Variants in KIAA0319L observed in about 807,000 individuals in gnomAD.
KIAA0319L encodes dyslexia-associated protein KIAA0319-like protein.
KIAA0319L carries 55 observed loss-of-function variants against 120.1 expected under a neutral mutation model. That is an observed-to-expected ratio of 0.46 (90% CI 0.37 to 0.57). The LOEUF is 0.57. KIAA0319L is among the 20% of genes least tolerant of loss of function. KIAA0319L has a pLI of 0.00. For missense variants in KIAA0319L, 1,049 were observed against 1,255.3 expected, an observed-to-expected ratio of 0.84 and a Z score of 2.48; for synonymous variants, 398 against 471.9, an observed-to-expected ratio of 0.84 and a Z score of 2.03.
chr1:35,491,693 A>G (rs1281113772), intron 3 of KIAA0319L, among the ~76,000 whole-genome samples: 1 of 152,174 alleles, frequency 6.6e-6, no homozygotes, highest in Non-Finnish European at 1.5e-5. Context: ...AAAAACGAAT[A>G]AAACCAAACA....
intron 2 of KIAA0319L, among the ~76,000 whole-genome samples, chr1:35,538,920 T>C (rs1646686247): frequency 6.6e-6 from 1 of 152,074 alleles, no homozygotes; most frequent in Non-Finnish European, 1.5e-5. Flanking sequence ...ACTGCCAAAT[T>C]ATCTAGTATA....
At position 35,506,862 on chromosome 1, in the gene KIAA0319L, T is replaced by C; in HGVS notation, c.416A>G (p.Asp139Gly). 1.2e-6 allele frequency: 2 copies of C among 1,614,132 alleles called. No homozygotes were observed. Among genetic ancestry groups the C allele is most frequent in the East Asian group, 2.2e-5 (1 of 44,890 alleles). Residue 139 changes from aspartate (D) to glycine (G), a missense_variant, in exon 3 of 21, where the codon GAT (aspartate) becomes GGT (glycine). Coordinates refer to ENST00000325722, the MANE Select transcript of KIAA0319L (RefSeq NM_024874.5). This position sits in a 1 kb window ranked among gnomAD's most constrained non-coding sequence, Gnocchi z 4.0. Reference protein sequence around the residue: ...VFLKKFQTADDLGFLPEDDVP... With the variant: ...VFLKKFQTADGLGFLPEDDVP... ...ATCATCTTCAGGTAGAAAGCCCAAATCATCTGCAGTTTGGAATTTTTTTAA... is the reference window on the plus strand; with the variant it reads ...ATCATCTTCAGGTAGAAAGCCCAAACCATCTGCAGTTTGGAATTTTTTTAA...
Position 35,506,975 on chromosome 1 carries a change from T to C in KIAA0319L, c.303A>G (p.Leu101=). 1 of 1,613,620 alleles carries C rather than the reference T, an allele frequency of 6.2e-7. No individual in the cohort carries two copies. Among genetic ancestry groups the C allele is most frequent in the Non-Finnish European group, 8.5e-7 (1 of 1,179,790 alleles). Residue 101 remains leucine (L), a synonymous_variant, in exon 3 of 21, where the codon CTA becomes CTG. Coordinates refer to ENST00000325722, the MANE Select transcript of KIAA0319L (RefSeq NM_024874.5). The surrounding 1 kb of genome is among the most constrained non-coding windows in gnomAD (Gnocchi z 4.0). The part of the protein sequence containing the change: ...QDSACHVFWW[L]EGMCIQADCS... Reference sequence around the variant, plus strand: ...AGTCTGCCTGAATGCACATCCCTTCTAGCCACCAAAAGACATGGCAGGCAG... The same window carrying C: ...AGTCTGCCTGAATGCACATCCCTTCCAGCCACCAAAAGACATGGCAGGCAG...
intron 7 of KIAA0319L, among the ~76,000 whole-genome samples, chr1:35,465,485 C>T (rs1331275428): frequency 2.0e-5 from 3 of 152,344 alleles, no homozygotes; most frequent in South Asian, 2.1e-4. Flanking sequence ...CCCATTGTAC[C>T]TAGGAAGTAA....
chr1:35,548,671 T>C (rs1322423194), intron 2 of KIAA0319L, among the ~76,000 whole-genome samples: 2 of 152,120 alleles, frequency 1.3e-5, no homozygotes, highest in Non-Finnish European at 2.9e-5. Flanking sequence ...AAGTGCATCA[T>C]GAAAAAAATT....
chr1:35,440,930 CA>C (rs1641162352), intron 20 of KIAA0319L, 116 bp downstream of exon 20: 2 of 865,468 alleles, frequency 2.3e-6, no homozygotes, highest in Middle Eastern at 3.2e-4. Flanking sequence ...CAAAAGGGAA[CA>C]AAATGCTTTG....
At chr1:35,462,053 C>T (rs1642933670) in intron 8 of KIAA0319L, among the ~76,000 whole-genome samples, 1 of 152,150 alleles carries the variant, frequency 6.6e-6, no homozygotes, top group Admixed American at 6.5e-5. Flanking sequence ...ACCTCTTGCA[C>T]CATACAGCCA....
chr1:35,494,190 G>A (rs10908397), intron 3 of KIAA0319L, among the ~76,000 whole-genome samples: 16 of 151,792 alleles, frequency 1.1e-4, no homozygotes, highest in Non-Finnish European at 5.9e-5. Context: ...GGCTCACACC[G>A]GTAATCCCAG....
In KIAA0319L at chr1:35,443,145, C is replaced by T. The variant is rs1641350384; in HGVS notation, c.2657-117G>A. 9 of 1,230,202 alleles carry T rather than the reference C, an allele frequency of 7.3e-6. No individual in the cohort carries two copies. The South Asian group carries it at 1.3e-4, about 18-fold the overall frequency. The allele number at this position is 1,230,202 out of a possible 1,614,324, so 76.2% of individuals were successfully genotyped here. The stretch of plus-strand genomic sequence containing the variant: ...AGATTAATGCTATGTGGTGAAATGT[C>T]CTCGAGACCCACCTTGGGCATGGTG... On this transcript the variant is annotated intron_variant, in intron 17 of 20. Coordinates refer to ENST00000325722, the MANE Select transcript of KIAA0319L (RefSeq NM_024874.5).
Position 35,454,358 on chromosome 1 carries a change from T to A in KIAA0319L, c.1780+4A>T. The A allele has an allele frequency of 6.2e-7, 1 of 1,613,800 alleles. No homozygotes were observed. Among genetic ancestry groups the A allele is most frequent in the Non-Finnish European group, 8.5e-7 (1 of 1,179,816 alleles). On this transcript the variant is annotated splice_donor_region_variant and intron_variant, in intron 11 of 20. Transcript: ENST00000325722. Reference sequence around the variant, plus strand: ...AGAGCCTGAACCACAAGGCTGGAGCTTACCAGGTTGCACAATAACAGTCAC... The same window carrying A: ...AGAGCCTGAACCACAAGGCTGGAGCATACCAGGTTGCACAATAACAGTCAC...
chr1:35,458,514 G>GA lies in KIAA0319L; in HGVS notation c.1427+1790dup, dbSNP rs200900989. Among the ~76,000 whole-genome samples, 535 of 150,680 alleles carry GA rather than the reference G, an allele frequency of 3.6e-3. 2 individuals are homozygous for GA. The highest frequency in any genetic ancestry group is 4.8e-3 in the Non-Finnish European group (326 of 67,608). ...AGATTTTTTTTAAAATGAAGGTTAG[G>GA]AAAAAAAAATCACTCTCATACCCCA... is the stretch of plus-strand genomic sequence containing the variant. On this transcript the variant is annotated intron_variant, in intron 9 of 20. Coordinates refer to ENST00000325722, the MANE Select transcript of KIAA0319L (RefSeq NM_024874.5).
intron 2 of KIAA0319L, among the ~76,000 whole-genome samples, chr1:35,520,855 T>C (rs78369448): frequency 1.3e-5 from 2 of 152,164 alleles, no homozygotes; most frequent in Non-Finnish European, 2.9e-5. Context: ...ATATGTAGGA[T>C]TGGAGACTAA....
intron 2 of KIAA0319L, among the ~76,000 whole-genome samples, chr1:35,523,700 T>G (rs1441190485): frequency 1.3e-5 from 2 of 151,988 alleles, no homozygotes; most frequent in Non-Finnish European, 2.9e-5. Flanking sequence ...CAGTGAAGAG[T>G]GTTAAAGACA....
At chr1:35,493,820 G>C (rs912297679) in intron 3 of KIAA0319L, among the ~76,000 whole-genome samples, 14 of 151,958 alleles carry the variant, frequency 9.2e-5, no homozygotes, top group African/African-American at 3.4e-4. Flanking sequence ...ACTCCAGCCT[G>C]GGTGACAAAG....
intron 3 of KIAA0319L, among the ~76,000 whole-genome samples, chr1:35,505,883 C>T (rs1645187137): frequency 6.6e-6 from 1 of 152,184 alleles, no homozygotes; most frequent in African/African-American, 2.4e-5. Context: ...ACACAGAGCG[C>T]TTGGCATGTC....
chr1:35,530,692 G>T (rs767466688), intron 2 of KIAA0319L, among the ~76,000 whole-genome samples: 12 of 152,200 alleles, frequency 7.9e-5, no homozygotes, highest in Non-Finnish European at 1.6e-4. Context: ...TATATCAAGT[G>T]TAACAGTCAC....
At chr1:35,527,363 T>C (rs1646189354) in intron 2 of KIAA0319L, among the ~76,000 whole-genome samples, 1 of 152,146 alleles carries the variant, frequency 6.6e-6, no homozygotes, top group South Asian at 2.1e-4. Context: ...TTGTTATGTC[T>C]CTGCCTAGTT....
chr1:35,498,712 C>T (rs1457902926), intron 3 of KIAA0319L, among the ~76,000 whole-genome samples: 1 of 152,228 alleles, frequency 6.6e-6, no homozygotes, highest in Non-Finnish European at 1.5e-5. Context: ...ACGCCACACA[C>T]AGGATGTTCA....
intron 4 of KIAA0319L, among the ~76,000 whole-genome samples, chr1:35,475,782 C>A (rs1386482614): frequency 6.6e-6 from 1 of 152,182 alleles, no homozygotes; most frequent in Non-Finnish European, 1.5e-5. Context: ...AAGACTCCTG[C>A]TCCCATATCA....
Sources: gnomAD v4.1 joint callset for allele counts (sites outside exome capture counted in the v4.1 genomes callset) on GRCh38, gnomAD v4.1.1 for gene constraint, Gnocchi (gnomAD v3.1) non-coding constraint, MANE v1.5 for transcripts, NCBI Gene and HGNC (gene_info 2026-07-23, HGNC 2026-07-21) for gene names.